ALG5: variants seen among roughly 807,000 people sequenced by gnomAD.
ALG5 encodes the protein ALG5 dolichyl-phosphate beta-glucosyltransferase.
ALG5 carries 26 observed loss-of-function variants against 51.8 expected under a neutral mutation model. The observed-to-expected ratio is 0.50, with a 90% CI of 0.37 to 0.70. ALG5 has a LOEUF of 0.70. Ranked by LOEUF, ALG5 falls within the 30% of genes least tolerant of loss-of-function variation. The pLI, the probability that ALG5 is intolerant of heterozygous loss-of-function variation, is 0.00. For missense variants in ALG5, 311 were observed against 399.3 expected (o/e 0.78, Z 1.88); for synonymous variants, 141 against 136.1 (o/e 1.04, Z -0.25).
chr13:36,967,872 A>G, intron 7 of ALG5: 1 of 1,015,266 alleles, frequency 9.8e-7, no homozygotes, highest in Admixed American at 2.6e-5. Flanking sequence ...GAAAAACAAT[A>G]CCTATAAATT....
intron 4 of ALG5, among the ~76,000 whole-genome samples, chr13:36,989,889 A>C (rs1431764069): frequency 2.6e-5 from 4 of 152,140 alleles, no homozygotes; most frequent in Non-Finnish European, 1.5e-5. Context: ...AAAAAACAAC[A>C]AAAAAACCCC....
At position 36,991,674 on chromosome 13, in the gene ALG5, C is replaced by T. The variant is rs921561567; in HGVS notation, c.354+1930G>A. Among the ~76,000 whole-genome samples, 96 of 152,288 alleles carry T rather than the reference C, an allele frequency of 6.3e-4. 3 individuals carry two copies. ...ATGTCACTAAGTTCTAGCTTGTGAA[C>T]TTTGGGTGTGGGCTTTAGTAGAGGG... On this transcript the variant is annotated intron_variant, in intron 4 of 9. Transcript: ENST00000239891.
At chr13:36,970,844 G>C (rs2058919440) in intron 7 of ALG5, among the ~76,000 whole-genome samples, 1 of 152,164 alleles carries the variant, frequency 6.6e-6, no homozygotes, top group Non-Finnish European at 1.5e-5. Context: ...CCGGGAGGCA[G>C]AGGTTGCAGT....
At chr13:36,986,644 A>T (rs1283363683) in intron 5 of ALG5, among the ~76,000 whole-genome samples, 2 of 152,216 alleles carry the variant, frequency 1.3e-5, no homozygotes, top group African/African-American at 4.8e-5. Context: ...GCAAAAGGCT[A>T]GGTGAGATGA....
At chr13:36,986,003 T>C (rs2059000223) in intron 5 of ALG5, among the ~76,000 whole-genome samples, 1 of 152,212 alleles carries the variant, frequency 6.6e-6, no homozygotes, top group South Asian at 2.1e-4. Flanking sequence ...AAAATAGGTT[T>C]GGACAAATTA....
intron 6 of ALG5, among the ~76,000 whole-genome samples, chr13:36,980,815 A>C (rs2058976018): frequency 6.6e-6 from 1 of 151,920 alleles, no homozygotes. Flanking sequence ...TCTACCAAAA[A>C]ACACAAAAAA....
Position 36,997,647 on chromosome 13 carries a change from G to C in ALG5, c.66+1588C>G, listed in dbSNP as rs145814839. On this transcript the variant is annotated intron_variant, in intron 1 of 9. Transcript: ENST00000239891. ...TGAGACAAGTGAGGGCAAGTGAACT[G>C]AGGGGGCATTTGAAATCACAGAATA... Among the ~76,000 whole-genome samples the C allele has an allele frequency of 1.3e-3, 197 of 152,256 alleles. 1 individual carries two copies. Among genetic ancestry groups the C allele is most frequent in the African/African-American group, 4.6e-3 (191 of 41,542 alleles).
Position 36,988,740 on chromosome 13 carries a change from G to A in ALG5, c.447+744C>T, listed in dbSNP as rs532021063. ...CTTCTCCTTCCTGTTGAATGTGGAC[G>A]TGATGGCTAGTGCTCCAGGAGTCAC... On this transcript the variant is annotated intron_variant, in intron 5 of 9. Transcript: ENST00000239891. 8.5e-5 allele frequency among the ~76,000 whole-genome samples: 13 copies of A among 152,280 alleles called. No homozygotes were observed. The South Asian group carries it at 1.7e-3, about 19-fold the overall frequency.
chr13:36,987,702 T>C (rs2138821957), intron 5 of ALG5, among the ~76,000 whole-genome samples: 1 of 152,358 alleles, frequency 6.6e-6, no homozygotes, highest in South Asian at 2.1e-4. Flanking sequence ...TATTTCTTTA[T>C]AGCAATGTAA....
intron 6 of ALG5, among the ~76,000 whole-genome samples, chr13:36,974,720 A>C (rs9547710): frequency 0.82 from 122,349 of 149,632 alleles, 50,844 homozygotes; most frequent in East Asian, 0.99. Context: ...AAGCCCCCCC[A>C]CCACCATCCC....
rs955260847 is a variant in ALG5 at position 36,997,895 on chromosome 13, C to T, written c.66+1340G>A. On this transcript the variant is annotated intron_variant, in intron 1 of 9. Coordinates refer to ENST00000239891, the MANE Select transcript of ALG5 (RefSeq NM_013338.5). Reference sequence around the variant, plus strand: ...ATTTCTTGCTCTGGCATTTAAAAAACCTAAGTTTCACTAGTTGTGCAACAT... The same window carrying T: ...ATTTCTTGCTCTGGCATTTAAAAAATCTAAGTTTCACTAGTTGTGCAACAT... Among the ~76,000 whole-genome samples the T allele has an allele frequency of 1.4e-4, 22 of 152,046 alleles. 1 individual carries two copies. Among genetic ancestry groups the T allele is most frequent in the African/African-American group, 5.3e-4 (22 of 41,390 alleles).
Position 36,993,575 on chromosome 13 carries a change from T to C in ALG5, c.354+29A>G, listed in dbSNP as rs375611854. On this transcript the variant is annotated intron_variant, in intron 4 of 9. Transcript: ENST00000239891. ...AAAATTATTCTCTATTTTCTAACTA[T>C]TGTCAATTCTAAAAGCAAGTGTATT... The C allele has an allele frequency of 1.1e-5, 17 of 1,577,882 alleles. No homozygotes were observed. The African/African-American group carries it at 1.2e-4, about 11-fold the overall frequency.
chr13:36,994,880 G>T, intron 3 of ALG5, 109 bp downstream of exon 3: 1 of 896,790 alleles, frequency 1.1e-6, no homozygotes, highest in Non-Finnish European at 1.8e-6. Context: ...CCCAGCGATC[G>T]GGGTGCTGCC....
intron 5 of ALG5, among the ~76,000 whole-genome samples, chr13:36,986,397 A>G (rs1276203058): frequency 6.6e-6 from 1 of 152,240 alleles, no homozygotes; most frequent in Non-Finnish European, 1.5e-5. Context: ...TTCATACAGA[A>G]ATAAACTGCA....
chr13:36,950,630 A>G (rs1363761925), intron 9 of ALG5, among the ~76,000 whole-genome samples: 1 of 151,894 alleles, frequency 6.6e-6, no homozygotes, highest in Non-Finnish European at 1.5e-5. Flanking sequence ...CCCAGGCTGT[A>G]GTGCAGTGAC....
intron 6 of ALG5, among the ~76,000 whole-genome samples, chr13:36,977,524 G>T (rs1048128343): frequency 2.0e-4 from 31 of 152,070 alleles, no homozygotes; most frequent in African/African-American, 7.2e-4. Flanking sequence ...AGGTGCAGTG[G>T]CTCATGCCTA....
chr13:36,976,039 TAAATC>T (rs1274368457), intron 6 of ALG5, among the ~76,000 whole-genome samples: 2 of 151,958 alleles, frequency 1.3e-5, no homozygotes, highest in Non-Finnish European at 2.9e-5. Flanking sequence ...TATTGACTAT[TAAATC>T]AAATTCTTGT....
chr13:36,995,347 G>C, intron 2 of ALG5, 78 bp downstream of exon 2: 1 of 1,444,390 alleles, frequency 6.9e-7, no homozygotes, highest in Non-Finnish European at 9.5e-7. Flanking sequence ...TTTTGGCAAA[G>C]ACAGTGAAGT....
chr13:36,995,158 G>T, intron 2 of ALG5, 123 bp from the exon 3 acceptor site: 1 of 867,716 alleles, frequency 1.2e-6, no homozygotes, highest in Non-Finnish European at 1.8e-6. Flanking sequence ...TTTCCCAATG[G>T]TCATTCCCAT....
Sources: gnomAD v4.1 joint callset for allele counts (sites outside exome capture counted in the v4.1 genomes callset) on GRCh38, gnomAD v4.1.1 for gene constraint, MANE v1.5 for transcripts, NCBI Gene and HGNC (gene_info 2026-07-23, HGNC 2026-07-21) for gene names.